Variants in MAN2A1 observed in about 807,000 individuals in gnomAD.
The protein encoded by MAN2A1 is mannosidase alpha class 2A member 1.
Under a neutral mutation model 142.6 loss-of-function variants are expected in MAN2A1, and 76 were observed. The observed-to-expected ratio is 0.53, with a 90% CI of 0.44 to 0.65. The LOEUF (loss-of-function observed/expected upper bound fraction) is 0.65, where lower values mean the gene tolerates loss of function less well. Ranked by LOEUF, MAN2A1 falls within the 30% of genes least tolerant of loss-of-function variation. The pLI is 0.00. For missense variants in MAN2A1, 1,311 were observed against 1,365.1 expected (o/e 0.96, Z 0.62); for synonymous variants, 559 against 473.2 (o/e 1.18, Z -2.35).
In MAN2A1 at chr5:109,842,312, A is replaced by AT. The variant is rs765390650; in HGVS notation, c.2567-9dup. ...AATTTCTTTCTATTAATCCATATAT[A>AT]TTTTTTTAAATTTAGGAATAGAAGG... is the stretch of plus-strand genomic sequence containing the variant. On this transcript the variant is annotated splice_polypyrimidine_tract_variant and intron_variant, in intron 16 of 21. Coordinates refer to ENST00000261483, the MANE Select transcript of MAN2A1 (RefSeq NM_002372.4). 2.7e-6 allele frequency: 4 copies of AT among 1,476,634 alleles called. No individual in the cohort carries two copies. The highest frequency in any genetic ancestry group is 1.4e-5 in the African/African-American group (1 of 69,994). The allele number at this position is 1,476,634 out of a possible 1,614,324, so 91.5% of individuals were successfully genotyped here.
intron 1 of MAN2A1, among the ~76,000 whole-genome samples, chr5:109,696,628 T>G (rs578156298): frequency 7.2e-5 from 11 of 152,352 alleles, no homozygotes; most frequent in African/African-American, 2.6e-4. Context: ...ACCCGATATC[T>G]GCCAACATCA....
intron 3 of MAN2A1, among the ~76,000 whole-genome samples, chr5:109,727,642 A>G (rs1375495447): frequency 1.3e-5 from 2 of 152,206 alleles, no homozygotes; most frequent in Admixed American, 6.5e-5. Context: ...GGTGTTCAGA[A>G]TATTTTTTAT....
At chr5:109,747,459 T>A (rs1238004599) in intron 4 of MAN2A1, among the ~76,000 whole-genome samples, 1 of 152,200 alleles carries the variant, frequency 6.6e-6, no homozygotes, top group Non-Finnish European at 1.5e-5. Flanking sequence ...ACTGTATGGA[T>A]GAGTTAACTT....
At chr5:109,702,456 T>A (rs750598760) in intron 1 of MAN2A1, among the ~76,000 whole-genome samples, 5 of 151,994 alleles carry the variant, frequency 3.3e-5, no homozygotes, top group Admixed American at 6.6e-5. Context: ...AGTTTGAAAG[T>A]TGTTCTGAAA....
chr5:109,734,823 G>A lies in MAN2A1; in HGVS notation c.707+5310G>A, dbSNP rs371285560. Among the ~76,000 whole-genome samples the A allele has an allele frequency of 1.4e-4, 21 of 152,172 alleles. No individual in the cohort carries two copies. In the East Asian group the frequency reaches 1.5e-3, roughly 11 times the overall value. ...GTCAATTTTGGAATAGGTGTGGTGC[G>A]GTGCTGAAAAAAATGTATATTCTGT... On this transcript the variant is annotated intron_variant, in intron 4 of 21. Coordinates refer to ENST00000261483, the MANE Select transcript of MAN2A1 (RefSeq NM_002372.4).
chr5:109,690,456 G>T lies in MAN2A1; in HGVS notation c.39G>T (p.Ala13=). Residue 13 remains alanine, a synonymous_variant, in exon 1 of 22, where the codon GCG becomes GCT. Transcript: ENST00000261483. ...LSRQFTVFGS[A]IFCVVIFSLY... ...GCCAGTTCACCGTGTTCGGCAGTGC[G>T]ATCTTCTGTGTGGTGATTTTCTCGC... The T allele has an allele frequency of 6.2e-7, 1 of 1,614,080 alleles. No individual in the cohort carries two copies. The highest frequency in any genetic ancestry group is 8.5e-7 in the Non-Finnish European group (1 of 1,179,946).
At chr5:109,731,637 T>A (rs1751916072) in intron 4 of MAN2A1, among the ~76,000 whole-genome samples, 2 of 151,512 alleles carry the variant, frequency 1.3e-5, no homozygotes, top group Admixed American at 1.3e-4. Context: ...TTGCGATAAT[T>A]TGCTGAGAAT....
intron 4 of MAN2A1, among the ~76,000 whole-genome samples, chr5:109,729,747 C>T (rs1325139682): frequency 6.6e-6 from 1 of 152,156 alleles, no homozygotes; most frequent in Non-Finnish European, 1.5e-5. Context: ...AATCCTAGCA[C>T]TTTGGGAGGC....
At chr5:109,708,072 G>A (rs531836074) in intron 1 of MAN2A1, among the ~76,000 whole-genome samples, 1 of 152,252 alleles carries the variant, frequency 6.6e-6, no homozygotes, top group Admixed American at 6.5e-5. Context: ...AGAGGCTCAA[G>A]AAGCTAACCT....
chr5:109,745,018 G>C (rs1307813873), intron 4 of MAN2A1, among the ~76,000 whole-genome samples: 1 of 152,116 alleles, frequency 6.6e-6, no homozygotes, highest in Non-Finnish European at 1.5e-5. Flanking sequence ...AATATTGTTT[G>C]ATTTCCATTT....
chr5:109,780,771 G>A (rs1041350467), intron 8 of MAN2A1, among the ~76,000 whole-genome samples: 1 of 152,044 alleles, frequency 6.6e-6, no homozygotes, highest in Admixed American at 6.6e-5. Flanking sequence ...GTGTGTTTAA[G>A]CAGCCAGACT....
chr5:109,739,947 G>A (rs1283543412), intron 4 of MAN2A1, among the ~76,000 whole-genome samples: 2 of 152,200 alleles, frequency 1.3e-5, no homozygotes, highest in Non-Finnish European at 2.9e-5. Flanking sequence ...AGGGAGGGAA[G>A]CAGACACAGA....
intron 5 of MAN2A1, among the ~76,000 whole-genome samples, chr5:109,763,149 A>C (rs1582872498): frequency 6.6e-6 from 1 of 152,118 alleles, no homozygotes; most frequent in African/African-American, 2.4e-5. Context: ...GTACATATTC[A>C]AGTTCAGTTT....
intron 20 of MAN2A1, among the ~76,000 whole-genome samples, chr5:109,858,723 G>A (rs1054945382): frequency 2.0e-5 from 3 of 152,356 alleles, no homozygotes; most frequent in Admixed American, 1.3e-4. Flanking sequence ...TGATAAGGAC[G>A]CATGTCTTCC....
chr5:109,750,520 C>T (rs1475278520), intron 4 of MAN2A1, among the ~76,000 whole-genome samples: 1 of 152,020 alleles, frequency 6.6e-6, no homozygotes, highest in Non-Finnish European at 1.5e-5. Context: ...AATGTTGTCT[C>T]TTTTCTTCCA....
At chr5:109,761,919 A>G (rs1444508138) in intron 5 of MAN2A1, among the ~76,000 whole-genome samples, 3 of 152,128 alleles carry the variant, frequency 2.0e-5, no homozygotes, top group African/African-American at 4.8e-5. Flanking sequence ...TACTTGGAGT[A>G]TAAAGTAAGA....
chr5:109,732,407 T>G (rs1158261429), intron 4 of MAN2A1, among the ~76,000 whole-genome samples: 3 of 152,238 alleles, frequency 2.0e-5, no homozygotes, highest in Non-Finnish European at 4.4e-5. Context: ...TTTCCATTGC[T>G]TTTGGTGTTT....
intron 19 of MAN2A1, among the ~76,000 whole-genome samples, chr5:109,849,049 C>G (rs761067574): frequency 2.0e-5 from 3 of 152,218 alleles, no homozygotes; most frequent in Admixed American, 2.0e-4. Context: ...CATTGTCACT[C>G]TCTAAAATAC....
intron 12 of MAN2A1, among the ~76,000 whole-genome samples, chr5:109,790,758 A>G (rs1046131050): frequency 4.0e-5 from 6 of 151,828 alleles, no homozygotes; most frequent in Non-Finnish European, 8.8e-5. Context: ...TTCTTTTTAT[A>G]TTTTGGTGGA....
Sources: allele counts gnomAD v4.1 joint callset (sites outside exome capture counted in the v4.1 genomes callset), GRCh38; gene constraint gnomAD v4.1.1; transcripts MANE v1.5; gene names NCBI Gene and HGNC (gene_info 2026-07-23, HGNC 2026-07-21).